C10orf67: variants seen among roughly 807,000 people sequenced by gnomAD.
The protein encoded by C10orf67 is chromosome 10 open reading frame 67, also known as uncharacterized protein C10orf67, mitochondrial.
Under a neutral mutation model 35.6 loss-of-function variants are expected in C10orf67, and 60 were observed. That is an observed-to-expected ratio of 1.68 (90% CI 1.37 to 2.09). C10orf67 has a LOEUF of 2.09. Ranked by LOEUF, C10orf67 falls within the 30% of genes most tolerant of loss-of-function variation. The probability of loss-of-function intolerance (pLI) is 0.00; values close to 1 mark genes in which losing one functional copy is unlikely to be tolerated. For missense variants in C10orf67, 474 were observed against 330.2 expected (o/e 1.44, Z -3.38); for synonymous variants, 167 against 115.8 (o/e 1.44, Z -2.84).
At chr10:23,315,091 G>A (rs575160279) in intron 4 of C10orf67, among the ~76,000 whole-genome samples, 3 of 152,188 alleles carry the variant, frequency 2.0e-5, no homozygotes, top group Non-Finnish European at 2.9e-5. Context: ...GGGCGGCCAG[G>A]ATCTGGAAGG....
At chr10:23,294,909 G>A (rs1006128254) in intron 5 of C10orf67, among the ~76,000 whole-genome samples, 4 of 152,200 alleles carry the variant, frequency 2.6e-5, no homozygotes, top group Non-Finnish European at 5.9e-5. Flanking sequence ...TTTTAGGAAA[G>A]TTTGTTCTTA....
chr10:23,279,558 C>G (rs1843304127), intron 8 of C10orf67, among the ~76,000 whole-genome samples: 1 of 152,152 alleles, frequency 6.6e-6, no homozygotes, highest in Non-Finnish European at 1.5e-5. Context: ...TATCTCCAGT[C>G]TGGATTGTTC....
At chr10:23,220,970 T>G (rs1434394694) in intron 15 of C10orf67, among the ~76,000 whole-genome samples, 1 of 152,204 alleles carries the variant, frequency 6.6e-6, no homozygotes. Context: ...AAAAATGGAA[T>G]GCATTTTAAC....
intron 15 of C10orf67, among the ~76,000 whole-genome samples, chr10:23,219,015 C>T (rs1053057147): frequency 1.3e-5 from 2 of 152,166 alleles, no homozygotes; most frequent in Non-Finnish European, 2.9e-5. Flanking sequence ...ACAGGGGCAA[C>T]TGAACTTCAC....
chr10:23,240,940 G>T (rs989894967), intron 12 of C10orf67, among the ~76,000 whole-genome samples: 1 of 152,194 alleles, frequency 6.6e-6, no homozygotes, highest in South Asian at 2.1e-4. Context: ...ATGAAATAAG[G>T]TTATTGGATT....
chr10:23,285,445 T>G (rs1476576957), intron 7 of C10orf67, among the ~76,000 whole-genome samples: 1 of 150,526 alleles, frequency 6.6e-6, no homozygotes, highest in East Asian at 1.9e-4. Flanking sequence ...TCATATATAA[T>G]TTTGAATTTT....
chr10:23,260,674 C>T (rs1842723984), intron 10 of C10orf67, among the ~76,000 whole-genome samples: 1 of 152,296 alleles, frequency 6.6e-6, no homozygotes, highest in Middle Eastern at 3.4e-3. Context: ...ATAAGAAACA[C>T]TCTCTTTACT....
chr10:23,248,443 G>T (rs374766522), intron 12 of C10orf67, among the ~76,000 whole-genome samples: 1 of 152,104 alleles, frequency 6.6e-6, no homozygotes, highest in African/African-American at 2.4e-5. Context: ...ATAAGAACTC[G>T]GCAGAGATGG....
intron 7 of C10orf67, among the ~76,000 whole-genome samples, chr10:23,287,985 C>A (rs1278459730): frequency 2.6e-5 from 4 of 152,010 alleles, no homozygotes; most frequent in Non-Finnish European, 5.9e-5. Context: ...GCTGGTGAGG[C>A]TGCAGAGAAA....
intron 9 of C10orf67, 130 bp from the exon 10 acceptor site, chr10:23,266,556 G>T: frequency 2.5e-6 from 1 of 395,990 alleles, no homozygotes; most frequent in Non-Finnish European, 4.4e-6. Context: ...AGAGCGCATG[G>T]ATTTGTTCTT....
chr10:23,310,250 A>C (rs550214127), intron 4 of C10orf67, among the ~76,000 whole-genome samples: 1 of 152,234 alleles, frequency 6.6e-6, no homozygotes, highest in African/African-American at 2.4e-5. Context: ...GGAAGAAAGC[A>C]AAAACCAAAA....
intron 3 of C10orf67, among the ~76,000 whole-genome samples, chr10:23,321,269 AT>A (rs1844944557): frequency 6.6e-6 from 1 of 152,260 alleles, no homozygotes; most frequent in Non-Finnish European, 1.5e-5. Flanking sequence ...TAGATTAACA[AT>A]AGAAGAGAGT....
At chr10:23,214,795 G>C (rs534553559) in intron 15 of C10orf67, among the ~76,000 whole-genome samples, 2 of 152,294 alleles carry the variant, frequency 1.3e-5, no homozygotes, top group African/African-American at 4.8e-5. Flanking sequence ...GGCTAAGTTG[G>C]GCAGATCACT....
At chr10:23,296,415 T>G (rs1410449314) in intron 5 of C10orf67, among the ~76,000 whole-genome samples, 1 of 152,156 alleles carries the variant, frequency 6.6e-6, no homozygotes, top group East Asian at 1.9e-4. Flanking sequence ...ATCTGATTGG[T>G]CTGGTGTGAG....
At chr10:23,279,346 G>A (rs1472018466) in intron 8 of C10orf67, among the ~76,000 whole-genome samples, 4 of 152,216 alleles carry the variant, frequency 2.6e-5, no homozygotes, top group African/African-American at 4.8e-5. Context: ...ACGTGGTTTT[G>A]CACAGGCCAC....
intron 13 of C10orf67, among the ~76,000 whole-genome samples, chr10:23,230,583 G>A (rs1841881739): frequency 6.6e-6 from 1 of 152,076 alleles, no homozygotes. Context: ...TAGTATCCAA[G>A]TTATATAAAT....
At chr10:23,235,753 C>T (rs757716179) in intron 13 of C10orf67, among the ~76,000 whole-genome samples, 19 of 152,086 alleles carry the variant, frequency 1.2e-4, no homozygotes, top group East Asian at 3.8e-4. Flanking sequence ...AGATGCTCAA[C>T]GTCATTAATT....
chr10:23,320,435 ACT>A (rs1277011030), intron 4 of C10orf67, among the ~76,000 whole-genome samples: 2 of 152,192 alleles, frequency 1.3e-5, no homozygotes. Context: ...GATTCTCTGA[ACT>A]CTCTCTTAGG....
chr10:23,214,861 A>G (rs1434851862), intron 15 of C10orf67, among the ~76,000 whole-genome samples: 1 of 152,136 alleles, frequency 6.6e-6, no homozygotes, highest in African/African-American at 2.4e-5. Flanking sequence ...TGTCTCTACT[A>G]AAAATATAAA....
Sources: gnomAD v4.1 joint callset for allele counts (sites outside exome capture counted in the v4.1 genomes callset) on GRCh38, gnomAD v4.1.1 for gene constraint, MANE v1.5 for transcripts, NCBI Gene and HGNC (gene_info 2026-07-23, HGNC 2026-07-21) for gene names.